KCNIP4: variants seen among roughly 807,000 people sequenced by gnomAD.
The protein encoded by KCNIP4 is potassium voltage-gated channel interacting protein 4, also known as Kv channel-interacting protein 4.
Under a neutral mutation model 34.0 loss-of-function variants are expected in KCNIP4, and 12 were observed. The observed-to-expected ratio is 0.35, with a 90% CI of 0.23 to 0.57. The LOEUF is 0.57. Ranked by LOEUF, KCNIP4 falls within the 20% of genes least tolerant of loss-of-function variation. The probability of loss-of-function intolerance (pLI) is 0.83; values close to 1 mark genes in which losing one functional copy is unlikely to be tolerated. For synonymous variants in KCNIP4, 124 were observed against 102.2 expected (o/e 1.21, Z -1.29); for missense variants, 238 against 311.7 (o/e 0.76, Z 1.78).
chr4:21,322,396 C>T (rs903537154), intron 1 of KCNIP4, among the ~76,000 whole-genome samples: 2 of 152,094 alleles, frequency 1.3e-5, no homozygotes, highest in Non-Finnish European at 1.5e-5. Flanking sequence ...AAAGCCATTA[C>T]TCCTATTAAG....
At chr4:21,211,381 C>T (rs1215718874) in intron 1 of KCNIP4, among the ~76,000 whole-genome samples, 1 of 152,154 alleles carries the variant, frequency 6.6e-6, no homozygotes, top group Non-Finnish European at 1.5e-5. Flanking sequence ...GGTGAGTGAG[C>T]ATTACTGCCT....
rs982463235 is a variant in KCNIP4, at chr4:20,729,224, A to G, written c.*858T>C. On this transcript the variant is annotated 3_prime_UTR_variant, in exon 9 of 9. Coordinates refer to ENST00000382152, the MANE Select transcript of KCNIP4 (RefSeq NM_025221.6). ...TTAGGATTACTTGTTATTAAGCATTACTATATACTGGAGGATAGATATCCT... is the reference window on the plus strand; with the variant it reads ...TTAGGATTACTTGTTATTAAGCATTGCTATATACTGGAGGATAGATATCCT... The G allele has an allele frequency of 6.6e-6, 1 of 152,100 alleles. No homozygotes were observed. Among genetic ancestry groups the G allele is most frequent in the African/African-American group, 2.4e-5 (1 of 41,424 alleles). 9.4% of individuals were successfully genotyped at this position (152,100 alleles called of 1,614,324 possible). A position where few individuals can be genotyped will look rare whatever the true frequency, so the allele number is the denominator to read the frequency against.
At chr4:21,918,935 G>A (rs1578143644) in intron 1 of KCNIP4, among the ~76,000 whole-genome samples, 1 of 152,266 alleles carries the variant, frequency 6.6e-6, no homozygotes, top group Admixed American at 6.5e-5. Flanking sequence ...TTATATCTGG[G>A]TAGACCTGTG....
At chr4:21,058,394 G>A (rs1302206502) in intron 1 of KCNIP4, among the ~76,000 whole-genome samples, 1 of 151,912 alleles carries the variant, frequency 6.6e-6, no homozygotes, top group African/African-American at 2.4e-5. Context: ...GAATTAAAGG[G>A]GCAGCTCTAC....
At chr4:20,737,425 G>T (rs1326545491) in intron 5 of KCNIP4, among the ~76,000 whole-genome samples, 2 of 152,172 alleles carry the variant, frequency 1.3e-5, no homozygotes, top group African/African-American at 4.8e-5. Context: ...CTGAAGAGAA[G>T]AATCTAAAAA....
chr4:21,381,216 A>G (rs1222123968), intron 1 of KCNIP4, among the ~76,000 whole-genome samples: 1 of 152,208 alleles, frequency 6.6e-6, no homozygotes, highest in African/African-American at 2.4e-5. Flanking sequence ...TCAGTTTTGA[A>G]CAATGATTCT....
intron 1 of KCNIP4, among the ~76,000 whole-genome samples, chr4:21,771,456 AT>A (rs555807461): frequency 2.1e-4 from 32 of 152,020 alleles, no homozygotes; most frequent in African/African-American, 6.0e-4. Flanking sequence ...AATTGAAAAT[AT>A]TTTTTTTCCT....
At chr4:21,366,222 T>A (rs2109422727) in intron 1 of KCNIP4, among the ~76,000 whole-genome samples, 1 of 152,302 alleles carries the variant, frequency 6.6e-6, no homozygotes, top group Admixed American at 6.5e-5. Flanking sequence ...TGCAAAGATA[T>A]AGCTATTACA....
At chr4:21,714,838 TA>T (rs1406715879) in intron 1 of KCNIP4, among the ~76,000 whole-genome samples, 2 of 234 alleles carry the variant, frequency 8.5e-3, no homozygotes, top group African/African-American at 0.038. Context: ...TATTTTATTT[TA>T]TTTTATTTTA....
At chr4:21,182,668 C>G (rs1171246316) in intron 1 of KCNIP4, among the ~76,000 whole-genome samples, 1 of 152,040 alleles carries the variant, frequency 6.6e-6, no homozygotes, top group African/African-American at 2.4e-5. Flanking sequence ...TTATTCCATT[C>G]TCCATGTCCG....
intron 1 of KCNIP4, among the ~76,000 whole-genome samples, chr4:21,570,255 T>C (rs921180202): frequency 1.3e-5 from 2 of 152,104 alleles, no homozygotes; most frequent in Non-Finnish European, 1.5e-5. Flanking sequence ...TTGGAACTAA[T>C]AGCCAACAGG....
intron 1 of KCNIP4, among the ~76,000 whole-genome samples, chr4:21,817,749 G>T (rs1365096647): frequency 6.6e-6 from 1 of 152,128 alleles, no homozygotes; most frequent in East Asian, 1.9e-4. Context: ...GCTTACTAGG[G>T]TGGGGAAAAA....
chr4:21,276,422 G>A lies in KCNIP4; in HGVS notation c.62-393713C>T, dbSNP rs376113693. ...TCACCATGTTGGCCAGGCTGGTCTC[G>A]AACGCTTGACTTCAAGTAGTGATCC... On this transcript the variant is annotated intron_variant, in intron 1 of 8. Transcript: ENST00000382152. Among the ~76,000 whole-genome samples, 20 of 144,532 alleles carry A rather than the reference G, an allele frequency of 1.4e-4. No individual in the cohort carries two copies. In the East Asian group the frequency reaches 2.1e-3, roughly 15 times the overall value. The allele number at this position is 144,532 out of a possible 152,430, so 94.8% of individuals were successfully genotyped here.
intron 1 of KCNIP4, chr4:21,304,684 C>G (rs1443695562): frequency 6.6e-6 from 1 of 152,152 alleles, no homozygotes; most frequent in African/African-American, 2.4e-5. Flanking sequence ...TTAAGGGAGT[C>G]CTTCAATATT....
intron 1 of KCNIP4, among the ~76,000 whole-genome samples, chr4:21,073,129 G>A (rs186606209): frequency 6.6e-5 from 10 of 152,094 alleles, no homozygotes; most frequent in African/African-American, 2.4e-4. Flanking sequence ...GGCAATGTGG[G>A]CTCTTTTTTG....
intron 1 of KCNIP4, among the ~76,000 whole-genome samples, chr4:21,190,172 G>T: frequency 6.6e-6 from 1 of 152,070 alleles, no homozygotes; most frequent in African/African-American, 2.4e-5. Context: ...TCTTTTAGTT[G>T]GTAATATTGT....
At chr4:21,013,009 G>A (rs1739198037) in intron 1 of KCNIP4, among the ~76,000 whole-genome samples, 1 of 152,164 alleles carries the variant, frequency 6.6e-6, no homozygotes, top group Non-Finnish European at 1.5e-5. Context: ...AAGGCAATGA[G>A]CACAGAGGAA....
intron 1 of KCNIP4, among the ~76,000 whole-genome samples, chr4:21,074,325 G>C (rs1169447693): frequency 6.6e-6 from 1 of 152,114 alleles, no homozygotes; most frequent in African/African-American, 2.4e-5. Context: ...GCCTGTTATT[G>C]GTCTATTCAG....
chr4:20,737,821 G>T (rs1750010103), intron 5 of KCNIP4, among the ~76,000 whole-genome samples: 1 of 152,296 alleles, frequency 6.6e-6, no homozygotes, highest in Non-Finnish European at 1.5e-5. Context: ...GCCCTTGGAG[G>T]TATGAGTGTA....
Sources: gnomAD v4.1 joint callset for allele counts (sites outside exome capture counted in the v4.1 genomes callset) on GRCh38, gnomAD v4.1.1 for gene constraint, MANE v1.5 for transcripts, NCBI Gene and HGNC (gene_info 2026-07-23, HGNC 2026-07-21) for gene names.